Variants in KALRN observed in about 807,000 individuals in gnomAD.
The protein encoded by KALRN is kalirin RhoGEF kinase, also known as kalirin.
Under a neutral mutation model 353.7 loss-of-function variants are expected in KALRN, and 70 were observed. The observed-to-expected ratio is 0.20, with a 90% CI of 0.16 to 0.24. The LOEUF (loss-of-function observed/expected upper bound fraction) is 0.24. Among genes scored for constraint, KALRN ranks in the 10% least tolerant of loss-of-function variants. The pLI is 1.00. For synonymous variants in KALRN, 1,391 were observed against 1,434.8 expected (o/e 0.97, Z 0.69); for missense variants, 2,791 against 3,756.7 (o/e 0.74, Z 6.72).
intron 10 of KALRN, among the ~76,000 whole-genome samples, chr3:124,378,229 A>C (rs1382253253): frequency 6.6e-6 from 1 of 151,722 alleles, no homozygotes; most frequent in African/African-American, 2.4e-5. Context: ...TGGTTGCCTT[A>C]GGGTTTATAG....
intron 11 of KALRN, among the ~76,000 whole-genome samples, chr3:124,387,937 G>A (rs2088654039): frequency 6.6e-6 from 1 of 152,058 alleles, no homozygotes; most frequent in African/African-American, 2.4e-5. Context: ...AAACCAGTCT[G>A]TATGAGGTCC....
At chr3:124,487,134 T>G (rs1484242508) in intron 28 of KALRN, among the ~76,000 whole-genome samples, 2 of 152,228 alleles carry the variant, frequency 1.3e-5, no homozygotes, top group Non-Finnish European at 2.9e-5. Context: ...TTTGCAGATC[T>G]GTTGCTTAAC....
chr3:124,402,757 G>A (rs2091034284), intron 13 of KALRN, among the ~76,000 whole-genome samples: 1 of 152,138 alleles, frequency 6.6e-6, no homozygotes, highest in Non-Finnish European at 1.5e-5. Context: ...CTCTTTGGGA[G>A]AGGTTTAGTT....
At chr3:124,277,075 G>T (rs1330154876) in intron 5 of KALRN, among the ~76,000 whole-genome samples, 1 of 152,238 alleles carries the variant, frequency 6.6e-6, no homozygotes, top group Non-Finnish European at 1.5e-5. Context: ...TGGCTAAAGG[G>T]GCTGGGGGCT....
At chr3:124,179,143 C>T (rs1283238931) in intron 1 of KALRN, among the ~76,000 whole-genome samples, 1 of 152,076 alleles carries the variant, frequency 6.6e-6, no homozygotes, top group Non-Finnish European at 1.5e-5. Context: ...TTTGTTTAAC[C>T]TTAGGTTATT....
intron 33 of KALRN, among the ~76,000 whole-genome samples, chr3:124,516,967 G>A (rs556776808): frequency 1.1e-4 from 16 of 152,046 alleles, no homozygotes; most frequent in Admixed American, 4.6e-4. Flanking sequence ...ACAGGCGCCT[G>A]CCACCACACC....
chr3:124,513,837 ACCACCTACGAGG>A (rs1384245321), intron 33 of KALRN, among the ~76,000 whole-genome samples: 1 of 152,112 alleles, frequency 6.6e-6, no homozygotes, highest in Non-Finnish European at 1.5e-5. Flanking sequence ...ATACCTCCGC[ACCACCTACGAGG>A]CCTTCCTGCT....
rs145208391 is a variant in KALRN, at chr3:124,624,514, T to C, written c.5183-7906T>C. 6.3e-3 allele frequency among the ~76,000 whole-genome samples: 959 copies of C among 152,336 alleles called. 11 individuals are homozygous for C. The highest frequency in any genetic ancestry group is 0.022 in the African/African-American group (920 of 41,562). ...CCCTCATGGATAAGGGGGAGATTACTGTACTGTGATTAAAATACCTGAAAT... is the reference window on the plus strand; with the variant it reads ...CCCTCATGGATAAGGGGGAGATTACCGTACTGTGATTAAAATACCTGAAAT... On this transcript the variant is annotated intron_variant, in intron 34 of 59. Transcript: ENST00000682506.
intron 6 of KALRN, among the ~76,000 whole-genome samples, chr3:124,301,011 G>A (rs532421575): frequency 1.3e-5 from 2 of 152,268 alleles, no homozygotes; most frequent in South Asian, 4.2e-4. Flanking sequence ...ATTTTCCCTG[G>A]TGAGTTTTAC....
At chr3:124,277,752 C>T (rs1192232165) in intron 5 of KALRN, among the ~76,000 whole-genome samples, 1 of 152,214 alleles carries the variant, frequency 6.6e-6, no homozygotes, top group Non-Finnish European at 1.5e-5. Context: ...GCTTGGCTCC[C>T]TTCCACGGTT....
intron 1 of KALRN, chr3:124,082,348 G>A (rs1452309234): frequency 1.1e-5 from 5 of 470,158 alleles, no homozygotes; most frequent in Non-Finnish European, 2.2e-5. Flanking sequence ...TAGAAATTCT[G>A]TTTCCTATTT....
intron 33 of KALRN, among the ~76,000 whole-genome samples, chr3:124,547,296 G>A (rs982038100): frequency 2.1e-4 from 31 of 150,790 alleles, no homozygotes; most frequent in Admixed American, 4.0e-4. Context: ...CACTGTGCCA[G>A]GCCAAAATAA....
At chr3:124,691,992 G>T (rs749596434) in intron 51 of KALRN, among the ~76,000 whole-genome samples, 5 of 152,212 alleles carry the variant, frequency 3.3e-5, no homozygotes, top group Non-Finnish European at 5.9e-5. Flanking sequence ...TCCGGGGCAG[G>T]AAGTTGGTTT....
chr3:124,176,621 T>C (rs147253522), intron 1 of KALRN, among the ~76,000 whole-genome samples: 88 of 152,310 alleles, frequency 5.8e-4, no homozygotes, highest in African/African-American at 2.0e-3. Context: ...GAGTCCCGGC[T>C]CCAACTCAAG....
At chr3:124,061,039 TAAG>T (rs1357144639) in intron 1 of KALRN, among the ~76,000 whole-genome samples, 28 of 152,164 alleles carry the variant, frequency 1.8e-4, no homozygotes, top group Non-Finnish European at 2.9e-5. Flanking sequence ...ATTAAATTAT[TAAG>T]AAATTGGAGA....
At chr3:124,479,958 C>T (rs879620077) in intron 27 of KALRN, among the ~76,000 whole-genome samples, 2 of 152,052 alleles carry the variant, frequency 1.3e-5, no homozygotes, top group African/African-American at 2.4e-5. Flanking sequence ...CTCCTGACCT[C>T]GTGATCTACC....
chr3:124,293,909 A>G (rs768594512), intron 5 of KALRN, among the ~76,000 whole-genome samples: 13 of 152,204 alleles, frequency 8.5e-5, no homozygotes, highest in Non-Finnish European at 1.8e-4. Context: ...GCAACCGAAT[A>G]ACCTATGACC....
intron 51 of KALRN, 65 bp from the exon 52 acceptor site, chr3:124,693,739 A>G (rs1355925989): frequency 9.2e-7 from 1 of 1,081,346 alleles, no homozygotes; most frequent in Non-Finnish European, 1.4e-6. Context: ...CAATACGGTG[A>G]AGTCCCTTGT....
At position 124,723,068 on chromosome 3, in the gene KALRN, A is replaced by AT. The variant is rs1313379784; in HGVS notation, c.*3599dup. The AT allele has an allele frequency of 2.0e-5, 3 of 152,208 alleles. No homozygotes were observed. The highest frequency in any genetic ancestry group is 2.0e-4 in the Admixed American group (3 of 15,278). The allele number at this position is 152,208 out of a possible 1,614,324, so 9.4% of individuals were successfully genotyped here. A position where few individuals can be genotyped will look rare whatever the true frequency, so the allele number is the denominator to read the frequency against. On this transcript the variant is annotated 3_prime_UTR_variant, in exon 60 of 60. Coordinates refer to ENST00000682506, the MANE Select transcript of KALRN (RefSeq NM_001388419.1). Reference sequence around the variant, plus strand: ...TAAGAAAAAAATGGTAATGTTGGAGATATCCTTCAGGTCTCTCTCAGCCAT... The same window carrying AT: ...TAAGAAAAAAATGGTAATGTTGGAGATTATCCTTCAGGTCTCTCTCAGCCAT...
Sources: allele counts gnomAD v4.1 joint callset (sites outside exome capture counted in the v4.1 genomes callset), GRCh38; gene constraint gnomAD v4.1.1; transcripts MANE v1.5; gene names NCBI Gene and HGNC (gene_info 2026-07-23, HGNC 2026-07-21).